Variants in RASEF observed in about 807,000 individuals in gnomAD.
RASEF encodes ras and EF-hand domain-containing protein.
A neutral mutation model predicts 90.1 loss-of-function variants in RASEF; 68 were observed. That is an observed-to-expected ratio of 0.75 (90% confidence interval 0.62 to 0.92). The LOEUF is 0.92. Ranked by LOEUF, RASEF falls within the 40% of genes least tolerant of loss-of-function variation. The pLI, the probability that RASEF is intolerant of heterozygous loss-of-function variation, is 0.00. For missense variants in RASEF, 949 were observed against 937.2 expected (o/e 1.01, Z -0.16); for synonymous variants, 331 against 345.2 (o/e 0.96, Z 0.46).
chr9:83,065,396 T>A (rs886944864), upstream of RASEF, among the ~76,000 whole-genome samples: 1 of 152,206 alleles, frequency 6.6e-6, no homozygotes, highest in Non-Finnish European at 1.5e-5. Flanking sequence ...GTGCTGGCTG[T>A]TGGCTGGGCC....
chr9:83,030,314 G>A (rs1156966793), intron 1 of RASEF, among the ~76,000 whole-genome samples: 1 of 151,020 alleles, frequency 6.6e-6, no homozygotes, highest in African/African-American at 2.4e-5. Flanking sequence ...CCAAGATCAT[G>A]TTACTGCACT....
intron 1 of RASEF, among the ~76,000 whole-genome samples, chr9:83,032,149 T>C (rs1341503893): frequency 6.6e-6 from 1 of 152,134 alleles, no homozygotes; most frequent in Non-Finnish European, 1.5e-5. Context: ...ATAATTTTTG[T>C]TCCCTCACAA....
chr9:83,066,800 TGA>T (rs796288020), upstream of RASEF, among the ~76,000 whole-genome samples: 325 of 152,368 alleles, frequency 2.1e-3, 2 homozygotes, highest in African/African-American at 7.1e-3. Context: ...TATATTCCTT[TGA>T]GATAAAGCTG....
chr9:83,025,920 C>T lies in RASEF; in HGVS notation c.433G>A (p.Glu145Lys). Residue 145 changes from glutamate to lysine, a missense_variant and splice_region_variant, in exon 2 of 17, where the codon GAA becomes AAA. Glu to Lys is a moderately conservative substitution (Grantham distance 56). Transcript: ENST00000376447. Reference protein sequence around the residue: ...LGDEAKFIPREEQVSTLYQNI... With the variant: ...LGDEAKFIPRKEQVSTLYQNI... ...TGGTACAAGGTACTAACTTGCTCTT[C>T]TCTGCCAAATAAATAAATAAAAATT... The T allele has an allele frequency of 6.4e-7, 1 of 1,570,848 alleles. No individual in the cohort carries two copies.
At chr9:83,009,432 C>T (rs1197669755) in intron 6 of RASEF, among the ~76,000 whole-genome samples, 1 of 151,952 alleles carries the variant, frequency 6.6e-6, no homozygotes, top group African/African-American at 2.4e-5. Flanking sequence ...CTGCACTAGC[C>T]AAAACAGACA....
chr9:83,058,593 G>A (rs966213914), intron 1 of RASEF, among the ~76,000 whole-genome samples: 2 of 152,114 alleles, frequency 1.3e-5, no homozygotes, highest in Admixed American at 6.5e-5. Flanking sequence ...ACAAAACAAG[G>A]CAATCATTCT....
chr9:83,071,256 A>C, the RASEF span, among the ~76,000 whole-genome samples: 241 of 152,270 alleles, frequency 1.6e-3, 1 homozygote, highest in Non-Finnish European at 3.1e-3. Flanking sequence ...TGGTGACTAG[A>C]GGGTCTATTT....
At chr9:83,010,217 C>G (rs1160534785) in intron 5 of RASEF, among the ~76,000 whole-genome samples, 1 of 151,996 alleles carries the variant, frequency 6.6e-6, no homozygotes, top group Non-Finnish European at 1.5e-5. Flanking sequence ...TAAAAATAAA[C>G]CAGTGTGATT....
chr9:83,169,070 T>A, the RASEF span, among the ~76,000 whole-genome samples: 1 of 151,842 alleles, frequency 6.6e-6, no homozygotes, highest in Non-Finnish European at 1.5e-5. Flanking sequence ...TTAGCTCCTA[T>A]GTGAGTGAGA....
At chr9:83,196,549 C>T in the RASEF span, among the ~76,000 whole-genome samples, 8 of 152,146 alleles carry the variant, frequency 5.3e-5, no homozygotes, top group African/African-American at 1.7e-4. Context: ...GATGAAGATG[C>T]TGTGCTTGCT....
At chr9:83,007,307 G>C in intron 7 of RASEF, 130 bp downstream of exon 7, 2 of 724,722 alleles carry the variant, frequency 2.8e-6, no homozygotes, top group Middle Eastern at 5.5e-4. Flanking sequence ...CACACCCTGA[G>C]AAGAAACACC....
the RASEF span, among the ~76,000 whole-genome samples, chr9:83,148,695 G>A: frequency 9.3e-4 from 142 of 152,330 alleles, no homozygotes; most frequent in African/African-American, 3.2e-3. Context: ...GGATTAGAGT[G>A]AGACTTCTCA....
In RASEF at chr9:83,004,556, T is replaced by C; in HGVS notation, c.1144A>G (p.Ile382Val). 1 of 1,596,806 alleles carries C rather than the reference T, an allele frequency of 6.3e-7. No homozygotes were observed. The highest frequency in any genetic ancestry group is 8.6e-7 in the Non-Finnish European group (1 of 1,164,328). ...ATGAATTTGGGACTGCTTCTAGAAA[T>C]TGTATTCCCTGGTGAGATATTATTT... ...HINNISPGNT[I>V]SRSSPKFIGH... The change falls in exon 9 of 17, where the codon ATT (isoleucine) becomes GTT (valine). Residue 382 changes from isoleucine (I) to valine (V), a missense_variant. Ile to Val is a conservative substitution (Grantham distance 29). This residue lies in a region of RASEF where 656 missense variants were observed against 592.2 expected (regional missense o/e 1.11). Transcript: ENST00000376447.
intron 4 of RASEF, among the ~76,000 whole-genome samples, chr9:83,013,309 G>T (rs1220406968): frequency 6.6e-6 from 1 of 152,162 alleles, no homozygotes; most frequent in Non-Finnish European, 1.5e-5. Flanking sequence ...TTTATGCACT[G>T]ATCAAAATGG....
intron 4 of RASEF, among the ~76,000 whole-genome samples, 155 bp from the exon 5 acceptor site, chr9:83,012,666 A>T (rs1048926808): frequency 6.6e-6 from 1 of 152,238 alleles, no homozygotes; most frequent in Non-Finnish European, 1.5e-5. Flanking sequence ...CATAAAATCC[A>T]TAAGGATTTG....
At chr9:82,993,154 A>G in intron 14 of RASEF, 129 bp from the exon 15 acceptor site, 1 of 853,004 alleles carries the variant, frequency 1.2e-6, no homozygotes, top group Non-Finnish European at 1.8e-6. Flanking sequence ...TATAGAGGAT[A>G]TCTTTAAACC....
chr9:82,998,994 A>C (rs1164451464), intron 12 of RASEF, among the ~76,000 whole-genome samples: 1 of 152,168 alleles, frequency 6.6e-6, no homozygotes, highest in African/African-American at 2.4e-5. Context: ...CAACTGAACC[A>C]AATACTGTAT....
At chr9:83,217,204 A>G in the RASEF span, among the ~76,000 whole-genome samples, 2 of 152,052 alleles carry the variant, frequency 1.3e-5, no homozygotes, top group African/African-American at 4.8e-5. Context: ...TTTACCCCCC[A>G]TTGTATCTAG....
chr9:83,105,808 A>C, the RASEF span, among the ~76,000 whole-genome samples: 1 of 152,310 alleles, frequency 6.6e-6, no homozygotes, highest in East Asian at 1.9e-4. Context: ...CATAGCCAGG[A>C]ATTTTGGTTA....
Sources: allele counts gnomAD v4.1 joint callset (sites outside exome capture counted in the v4.1 genomes callset), GRCh38; gene constraint gnomAD v4.1.1; regional missense constraint gnomAD v4.1.1; transcripts MANE v1.5; gene names NCBI Gene and HGNC (gene_info 2026-07-23, HGNC 2026-07-21).